Variants in MYRIP observed in about 807,000 individuals in gnomAD.
The protein encoded by MYRIP is rab effector MyRIP.
In MYRIP, 49 loss-of-function variants were observed where a neutral mutation model predicts 98.0. The observed-to-expected ratio is 0.50, with a 90% confidence interval of 0.40 to 0.63. The LOEUF (loss-of-function observed/expected upper bound fraction) is 0.63, where lower values mean the gene tolerates loss of function less well. MYRIP is among the 30% of genes least tolerant of loss of function. The pLI is 0.00. For missense variants in MYRIP, 1,004 were observed against 1,058.2 expected (o/e 0.95, Z 0.71); for synonymous variants, 404 against 409.5 (o/e 0.99, Z 0.16).
At chr3:39,834,706 A>AATT (rs1941568837) in intron 1 of MYRIP, among the ~76,000 whole-genome samples, 3 of 152,162 alleles carry the variant, frequency 2.0e-5, no homozygotes, top group Admixed American at 2.0e-4. Context: ...TAATTATAGC[A>AATT]ATTATTTATT....
chr3:39,876,813 A>T (rs1212504334), intron 1 of MYRIP, among the ~76,000 whole-genome samples: 3 of 151,810 alleles, frequency 2.0e-5, no homozygotes, highest in Non-Finnish European at 4.4e-5. Flanking sequence ...TCTGACAATT[A>T]TGTGTCTTGG....
chr3:40,229,403 C>T (rs1034401489), intron 11 of MYRIP, among the ~76,000 whole-genome samples: 3 of 152,180 alleles, frequency 2.0e-5, no homozygotes, highest in African/African-American at 4.8e-5. Flanking sequence ...GCGCAGGGCA[C>T]GAGTTGGTCA....
At chr3:40,000,852 A>AACTTGTTCG (rs1247957120) in intron 2 of MYRIP, among the ~76,000 whole-genome samples, 1 of 152,052 alleles carries the variant, frequency 6.6e-6, no homozygotes, top group African/African-American at 2.4e-5. Context: ...ACACTTGTTC[A>AACTTGTTCG]TTTTTCCTAA....
intron 3 of MYRIP, among the ~76,000 whole-genome samples, chr3:40,125,097 G>GGTACCATGAGA (rs1406765910): frequency 2.0e-5 from 3 of 152,214 alleles, no homozygotes; most frequent in African/African-American, 7.2e-5. Flanking sequence ...AACCAGGCCT[G>GGTACCATGAGA]ACACTCATAC....
chr3:40,117,087 G>T (rs578060024), intron 3 of MYRIP, among the ~76,000 whole-genome samples: 1 of 152,146 alleles, frequency 6.6e-6, no homozygotes, highest in Admixed American at 6.6e-5. Context: ...TGGAGCATCC[G>T]GTGAGGCCAC....
intron 1 of MYRIP, among the ~76,000 whole-genome samples, chr3:39,873,173 T>G (rs1169420171): frequency 1.3e-5 from 2 of 152,220 alleles, no homozygotes; most frequent in Non-Finnish European, 2.9e-5. Flanking sequence ...TTGCCCACTT[T>G]TTGATGGGGT....
intron 1 of MYRIP, among the ~76,000 whole-genome samples, chr3:39,855,637 G>A (rs12715342): frequency 0.47 from 71,274 of 151,798 alleles, 17,685 homozygotes; most frequent in African/African-American, 0.64. Context: ...GCTGGTAGCA[G>A]GAGGCTTCAC....
intron 3 of MYRIP, among the ~76,000 whole-genome samples, chr3:40,134,383 G>A (rs9846481): frequency 0.012 from 1,851 of 152,380 alleles, 31 homozygotes; most frequent in African/African-American, 0.042. Context: ...CAAAGCAGCC[G>A]GGAAGCTGGA....
At chr3:39,922,298 A>G (rs1371455332) in intron 2 of MYRIP, among the ~76,000 whole-genome samples, 1 of 152,322 alleles carries the variant, frequency 6.6e-6, no homozygotes, top group Middle Eastern at 3.4e-3. Context: ...TTTTTACATG[A>G]TAACTGCTCT....
chr3:40,036,621 G>A (rs574579555), intron 2 of MYRIP, among the ~76,000 whole-genome samples: 3 of 152,084 alleles, frequency 2.0e-5, no homozygotes, highest in East Asian at 1.9e-4. Context: ...TAAAAAATAC[G>A]CTTTCTGAAG....
At chr3:39,896,757 G>T (rs1943619410) in intron 1 of MYRIP, among the ~76,000 whole-genome samples, 1 of 152,124 alleles carries the variant, frequency 6.6e-6, no homozygotes, top group Non-Finnish European at 1.5e-5. Context: ...ATTTGTCCTT[G>T]ACCCTTCTAG....
intron 2 of MYRIP, among the ~76,000 whole-genome samples, chr3:40,009,237 C>CCT (rs1227456664): frequency 7.2e-6 from 1 of 139,238 alleles, no homozygotes; most frequent in African/African-American, 2.7e-5. Context: ...ACTGCTACTT[C>CCT]TTTTTTTTTT....
chr3:40,140,909 C>A (rs2125561211), intron 3 of MYRIP, among the ~76,000 whole-genome samples: 1 of 152,250 alleles, frequency 6.6e-6, no homozygotes, highest in Admixed American at 6.5e-5. Flanking sequence ...ATTAGACTTA[C>A]AATCTAATTT....
At chr3:40,130,316 T>C (rs1949610070) in intron 3 of MYRIP, among the ~76,000 whole-genome samples, 1 of 152,214 alleles carries the variant, frequency 6.6e-6, no homozygotes, top group African/African-American at 2.4e-5. Context: ...AATATACCCA[T>C]TATTGGCTTA....
At chr3:39,950,922 T>C (rs1944998517) in intron 2 of MYRIP, among the ~76,000 whole-genome samples, 1 of 152,238 alleles carries the variant, frequency 6.6e-6, no homozygotes, top group African/African-American at 2.4e-5. Flanking sequence ...TTTTCTGTTA[T>C]ACCTTTTTGT....
intron 1 of MYRIP, among the ~76,000 whole-genome samples, chr3:39,886,928 C>T (rs1445704975): frequency 2.0e-5 from 3 of 152,042 alleles, no homozygotes; most frequent in Non-Finnish European, 4.4e-5. Context: ...AAATTGACCA[C>T]ATAGTTGGAA....
intron 3 of MYRIP, among the ~76,000 whole-genome samples, chr3:40,046,480 A>T (rs1007048735): frequency 2.0e-5 from 3 of 150,934 alleles, no homozygotes; most frequent in Non-Finnish European, 4.4e-5. Flanking sequence ...GATGCATAGT[A>T]CAGAATGAGC....
intron 13 of MYRIP, among the ~76,000 whole-genome samples, chr3:40,247,670 C>T (rs1422482823): frequency 3.3e-5 from 5 of 151,600 alleles, no homozygotes; most frequent in African/African-American, 4.9e-5. Flanking sequence ...ATTACAGGCA[C>T]GCACCACCAC....
intron 2 of MYRIP, among the ~76,000 whole-genome samples, chr3:40,043,510 T>G (rs1395898020): frequency 6.6e-6 from 1 of 152,118 alleles, no homozygotes; most frequent in Non-Finnish European, 1.5e-5. Flanking sequence ...TTTATCCAAC[T>G]ATGAATCACC....
Sources: allele counts gnomAD v4.1 joint callset (sites outside exome capture counted in the v4.1 genomes callset), GRCh38; gene constraint gnomAD v4.1.1; transcripts MANE v1.5; gene names NCBI Gene and HGNC (gene_info 2026-07-23, HGNC 2026-07-21).